Variants in ERICH3 observed in about 807,000 individuals in gnomAD.
ERICH3 encodes the protein glutamate-rich protein 3.
Under a neutral mutation model 131.1 loss-of-function variants are expected in ERICH3, and 126 were observed. That is an observed-to-expected ratio of 0.96 (90% CI 0.83 to 1.11). ERICH3 has a LOEUF of 1.11. Ranked by LOEUF, ERICH3 falls within the 50% of genes most tolerant of loss-of-function variation. The pLI is 0.00. For synonymous variants in ERICH3, 695 were observed against 644.6 expected, an observed-to-expected ratio of 1.08 and a Z score of -1.18; for missense variants, 2,050 against 1,810.7, an observed-to-expected ratio of 1.13 and a Z score of -2.40.
intron 12 of ERICH3, among the ~76,000 whole-genome samples, chr1:74,583,479 TTC>T (rs141353159): frequency 1.3e-5 from 2 of 151,778 alleles, no homozygotes; most frequent in South Asian, 2.1e-4. Flanking sequence ...TGTGGTCTCT[TTC>T]TCTCTCTCTC....
intron 1 of ERICH3, among the ~76,000 whole-genome samples, chr1:74,655,509 A>G (rs565990310): frequency 5.2e-4 from 79 of 152,210 alleles, no homozygotes; most frequent in African/African-American, 1.8e-3. Flanking sequence ...ATTTCTCACA[A>G]TGATATCTCT....
chr1:74,640,003 C>T (rs891783855), intron 5 of ERICH3, among the ~76,000 whole-genome samples: 1 of 152,090 alleles, frequency 6.6e-6, no homozygotes, highest in African/African-American at 2.4e-5. Flanking sequence ...ACCATCAGGG[C>T]GGGCCACATG....
intron 10 of ERICH3, among the ~76,000 whole-genome samples, chr1:74,602,370 C>T (rs1019376706): frequency 6.6e-6 from 1 of 151,902 alleles, no homozygotes; most frequent in Non-Finnish European, 1.5e-5. Flanking sequence ...GTTTTTGATA[C>T]GAATAAGCCA....
chr1:74,620,978 C>T (rs1649196032), intron 7 of ERICH3, 64 bp from the exon 8 acceptor site: 3 of 1,303,410 alleles, frequency 2.3e-6, no homozygotes, highest in Non-Finnish European at 3.1e-6. Context: ...TCTTACCTGA[C>T]ATTGTAATAT....
Position 74,573,355 on chromosome 1 carries a change from A to G in ERICH3, c.2355T>C (p.Asp785=). 6.2e-7 allele frequency: 1 copy of G among 1,611,366 alleles called. No homozygotes were observed. The highest frequency in any genetic ancestry group is 8.5e-7 in the Non-Finnish European group (1 of 1,179,056). Reference sequence around the variant, plus strand: ...CCCCTTTTCCCTGTACTATGTCAGCATCTCTGTGCTGGGGCGCTTCATCTT... The same window carrying G: ...CCCCTTTTCCCTGTACTATGTCAGCGTCTCTGTGCTGGGGCGCTTCATCTT... ...MEEDEAPQHR[D]ADIVQGKGEA... Residue 785 remains aspartate (D), a synonymous_variant, in exon 14 of 15, where the codon GAT becomes GAC. Coordinates refer to ENST00000326665, the MANE Select transcript of ERICH3 (RefSeq NM_001002912.5).
At chr1:74,579,228 A>G (rs1297663144) in intron 12 of ERICH3, among the ~76,000 whole-genome samples, 2 of 152,296 alleles carry the variant, frequency 1.3e-5, no homozygotes, top group Admixed American at 1.3e-4. Context: ...TGGCAATTAC[A>G]TGAAGCTTCA....
chr1:74,631,575 A>G (rs184189547), intron 7 of ERICH3, 138 bp downstream of exon 7: 1 of 678,124 alleles, frequency 1.5e-6, no homozygotes, highest in Admixed American at 2.8e-5. Context: ...ATTCAAGCTT[A>G]CTTATAAAAT....
chr1:74,622,868 A>G (rs777008793), intron 7 of ERICH3: 1 of 152,066 alleles, frequency 6.6e-6, no homozygotes, highest in Non-Finnish European at 1.5e-5. Context: ...TGATGGTAAA[A>G]TCTCTTTTCT....
At chr1:74,617,437 A>G (rs999397287) in intron 8 of ERICH3, among the ~76,000 whole-genome samples, 16 of 152,234 alleles carry the variant, frequency 1.1e-4, no homozygotes, top group African/African-American at 3.6e-4. Flanking sequence ...AACTAGTATC[A>G]ATACAAATGT....
intron 7 of ERICH3, among the ~76,000 whole-genome samples, chr1:74,629,079 A>G (rs999258499): frequency 6.6e-5 from 10 of 152,178 alleles, no homozygotes; most frequent in African/African-American, 2.4e-4. Context: ...ATTAGCTCAC[A>G]AAGCAAGTCT....
rs1368873618 is a variant in ERICH3, at chr1:74,589,831, A to G, written c.1976T>C (p.Met659Thr). 3 of 1,614,074 alleles carry G rather than the reference A, an allele frequency of 1.9e-6. No individual in the cohort carries two copies. Among genetic ancestry groups the G allele is most frequent in the Non-Finnish European group, 2.5e-6 (3 of 1,179,980 alleles). ...ITKADVETKP[M>T]PIDESFENVL... The stretch of plus-strand genomic sequence containing the variant: ...ATTCTCAAAGCTTTCGTCTATTGGC[A>G]TCGGCTTGGTCTCCACATCTGCTTT... The change falls in exon 12 of 15, where the codon ATG (methionine) becomes ACG (threonine). Residue 659 changes from methionine to threonine, a missense_variant. Coordinates refer to ENST00000326665, the MANE Select transcript of ERICH3 (RefSeq NM_001002912.5).
chr1:74,578,068 G>A (rs995386609), intron 12 of ERICH3: 7 of 152,196 alleles, frequency 4.6e-5, no homozygotes, highest in African/African-American at 1.7e-4. Context: ...ATAGACTTCA[G>A]GATCACAGAG....
chr1:74,573,289 A>G lies in ERICH3; in HGVS notation c.2421T>C (p.Ala807=). ...LWGEAGAVHE[A]PLRAWKPTAE... ...CTGTTGGCTTCCACGCCCTCAAGGG[A>G]GCCTCATGAACAGCTCCTGCTTCTC... The change falls in exon 14 of 15, where the codon GCT becomes GCC. Residue 807 remains alanine, a synonymous_variant. Coordinates refer to ENST00000326665, the MANE Select transcript of ERICH3 (RefSeq NM_001002912.5). 1.3e-6 allele frequency: 2 copies of G among 1,599,132 alleles called. No individual in the cohort carries two copies. The highest frequency in any genetic ancestry group is 2.3e-5 in the South Asian group (2 of 88,144).
chr1:74,665,019 T>C (rs1258092050), intron 1 of ERICH3, among the ~76,000 whole-genome samples: 1 of 152,198 alleles, frequency 6.6e-6, no homozygotes, highest in Non-Finnish European at 1.5e-5. Flanking sequence ...TATGTTGAAA[T>C]CTTAACCCAC....
In ERICH3 at chr1:74,570,330, A is replaced by C. The variant is rs2100494212; in HGVS notation, c.*128T>G. 6.6e-6 allele frequency: 1 copy of C among 152,376 alleles called. No homozygotes were observed. Among genetic ancestry groups the C allele is most frequent in the South Asian group, 2.1e-4 (1 of 4,828 alleles). 9.4% of individuals were successfully genotyped at this position (152,376 alleles called of 1,614,324 possible). A position where few individuals can be genotyped will look rare whatever the true frequency, so the allele number is the denominator to read the frequency against. ...GACAGATTGGGAATCATCTCAGACA[A>C]GCGCAACCAGCAACTAAAGAGGAGA... On this transcript the variant is annotated 3_prime_UTR_variant, in exon 15 of 15. Coordinates refer to ENST00000326665, the MANE Select transcript of ERICH3 (RefSeq NM_001002912.5).
intron 6 of ERICH3, chr1:74,634,808 C>A: frequency 1.6e-6 from 1 of 610,906 alleles, no homozygotes; most frequent in Non-Finnish European, 3.0e-6. Flanking sequence ...TTTGAGTTTT[C>A]TGGTACCTTT....
chr1:74,631,119 A>AT (rs1295565062), intron 7 of ERICH3, among the ~76,000 whole-genome samples: 1 of 152,094 alleles, frequency 6.6e-6, no homozygotes, highest in Non-Finnish European at 1.5e-5. Flanking sequence ...CAAAACTTTC[A>AT]TTTAATTGCT....
intron 4 of ERICH3, 142 bp from the exon 5 acceptor site, chr1:74,641,601 G>T: frequency 1.0e-6 from 1 of 992,618 alleles, no homozygotes; most frequent in African/African-American, 1.7e-5. Flanking sequence ...GGAGTTAGGT[G>T]TGGTGGTAAG....
intron 2 of ERICH3, among the ~76,000 whole-genome samples, chr1:74,648,157 T>A (rs1346721592): frequency 6.6e-6 from 1 of 152,142 alleles, no homozygotes; most frequent in Non-Finnish European, 1.5e-5. Context: ...GCATCTTTCT[T>A]ATTTGAATTG....
Sources: allele counts gnomAD v4.1 joint callset (sites outside exome capture counted in the v4.1 genomes callset), GRCh38; gene constraint gnomAD v4.1.1; transcripts MANE v1.5; gene names NCBI Gene and HGNC (gene_info 2026-07-23, HGNC 2026-07-21).